ZNF804A: variants seen among roughly 807,000 people sequenced by gnomAD.
ZNF804A encodes zinc finger protein 804A.
In ZNF804A, 2 loss-of-function variants were observed where a neutral mutation model predicts 16.5. That is an observed-to-expected ratio of 0.12 (90% CI 0.05 to 0.38). ZNF804A has a LOEUF of 0.38. Ranked by LOEUF, ZNF804A falls within the 10% of genes least tolerant of loss-of-function variation. The probability of loss-of-function intolerance (pLI) is 0.99; values close to 1 mark genes in which losing one functional copy is unlikely to be tolerated. For synonymous variants in ZNF804A, 534 were observed against 489.6 expected, an observed-to-expected ratio of 1.09 and a Z score of -1.20; for missense variants, 1,473 against 1,390.7, an observed-to-expected ratio of 1.06 and a Z score of -0.94.
At chr2:184,636,423 C>CTGTGTGTGTGTGTG (rs746003358) in intron 1 of ZNF804A, among the ~76,000 whole-genome samples, 3 of 99,148 alleles carry the variant, frequency 3.0e-5, no homozygotes, top group African/African-American at 1.3e-4. Context: ...GGCTCTAGGG[C>CTGTGTGTGTGTGTG]TGTGTGTGTG....
intron 1 of ZNF804A, among the ~76,000 whole-genome samples, chr2:184,615,796 A>C (rs1691309924): frequency 6.6e-6 from 1 of 152,166 alleles, no homozygotes; most frequent in Non-Finnish European, 1.5e-5. Context: ...GTAGGATGGC[A>C]CAAAGACACA....
At chr2:184,765,563 G>A (rs1403686294) in intron 1 of ZNF804A, among the ~76,000 whole-genome samples, 4 of 140,564 alleles carry the variant, frequency 2.8e-5, no homozygotes, top group Admixed American at 2.3e-4. Flanking sequence ...CCCCAGTCAC[G>A]TAACCCCTGC....
chr2:184,886,358 T>C (rs1236352045), intron 2 of ZNF804A, among the ~76,000 whole-genome samples: 1 of 152,190 alleles, frequency 6.6e-6, no homozygotes, highest in African/African-American at 2.4e-5. Flanking sequence ...CCCAGCTGCT[T>C]TCACAGGCTG....
chr2:184,850,978 G>A (rs565161303), intron 1 of ZNF804A, among the ~76,000 whole-genome samples: 47 of 151,498 alleles, frequency 3.1e-4, no homozygotes, highest in African/African-American at 1.1e-3. Flanking sequence ...AACCATGAGC[G>A]GTTATTTTAA....
chr2:184,731,216 A>G (rs2105747493), intron 1 of ZNF804A, among the ~76,000 whole-genome samples: 1 of 122,058 alleles, frequency 8.2e-6, no homozygotes, highest in Non-Finnish European at 1.6e-5. Flanking sequence ...GTGCCACTGC[A>G]CTCCAGCCTG....
Position 184,937,628 on chromosome 2 carries a change from T to C in ZNF804A, c.2232T>C (p.Asp744=), listed in dbSNP as rs1685814702. ...QDHRSLVLQN[D]MKHMSQNQAV... Reference sequence around the variant, plus strand: ...ACAGAAGCTTAGTTCTTCAAAATGATATGAAACACATGAGTCAGAATCAGG... The same window carrying C: ...ACAGAAGCTTAGTTCTTCAAAATGACATGAAACACATGAGTCAGAATCAGG... Residue 744 remains aspartate, a synonymous_variant, in exon 4 of 4, where the codon GAT becomes GAC. Transcript: ENST00000302277. 6.2e-7 allele frequency: 1 copy of C among 1,613,770 alleles called. No homozygotes were observed. The highest frequency in any genetic ancestry group is 8.5e-7 in the Non-Finnish European group (1 of 1,179,962).
chr2:184,677,492 T>G (rs1476906659), intron 1 of ZNF804A, among the ~76,000 whole-genome samples: 1 of 151,920 alleles, frequency 6.6e-6, no homozygotes, highest in Non-Finnish European at 1.5e-5. Context: ...TTATCTACAA[T>G]GTCAATAATA....
At chr2:184,834,909 A>G (rs1335270614) in intron 1 of ZNF804A, among the ~76,000 whole-genome samples, 1 of 152,140 alleles carries the variant, frequency 6.6e-6, no homozygotes, top group Non-Finnish European at 1.5e-5. Flanking sequence ...AAATTGAATT[A>G]TGCATATTTT....
At chr2:184,887,133 C>T (rs1558992977) in intron 2 of ZNF804A, among the ~76,000 whole-genome samples, 1 of 152,146 alleles carries the variant, frequency 6.6e-6, no homozygotes, top group Non-Finnish European at 1.5e-5. Context: ...TTTCTTCTGC[C>T]ACATACTCTA....
At chr2:184,673,201 C>A (rs1229590265) in intron 1 of ZNF804A, among the ~76,000 whole-genome samples, 1 of 152,018 alleles carries the variant, frequency 6.6e-6, no homozygotes, top group African/African-American at 2.4e-5. Context: ...CAGAGGCAAC[C>A]TAATTATCAT....
Position 184,806,606 on chromosome 2 carries a change from A to G in ZNF804A, c.112-59763A>G, listed in dbSNP as rs374913148. 7.2e-5 allele frequency among the ~76,000 whole-genome samples: 11 copies of G among 151,982 alleles called. 2 individuals carry two copies. The stretch of plus-strand genomic sequence containing the variant: ...GTAATAACTGTAGATATTGTTTAAT[A>G]TACAGTCACATTGTTTAATATACAG... On this transcript the variant is annotated intron_variant, in intron 1 of 3. Transcript: ENST00000302277.
At chr2:184,746,741 T>C (rs1433312855) in intron 1 of ZNF804A, among the ~76,000 whole-genome samples, 1 of 151,448 alleles carries the variant, frequency 6.6e-6, no homozygotes, top group African/African-American at 2.4e-5. Context: ...TTCTACTCTT[T>C]ATCTCCATGA....
intron 2 of ZNF804A, among the ~76,000 whole-genome samples, chr2:184,869,359 C>T (rs1695935955): frequency 6.6e-6 from 1 of 151,894 alleles, no homozygotes. Context: ...GTGCATACTA[C>T]TGATGCATTC....
intron 1 of ZNF804A, among the ~76,000 whole-genome samples, chr2:184,846,979 G>T (rs911242410): frequency 6.6e-6 from 1 of 151,984 alleles, no homozygotes; most frequent in Non-Finnish European, 1.5e-5. Flanking sequence ...CCATGCTGTT[G>T]GTCCAATAGT....
At chr2:184,919,705 A>G (rs1685500971) in intron 2 of ZNF804A, among the ~76,000 whole-genome samples, 1 of 152,214 alleles carries the variant, frequency 6.6e-6, no homozygotes, top group Non-Finnish European at 1.5e-5. Flanking sequence ...GAACTGGTAT[A>G]TAATTTTACA....
chr2:184,708,060 A>G (rs1693060518), intron 1 of ZNF804A, among the ~76,000 whole-genome samples: 1 of 151,640 alleles, frequency 6.6e-6, no homozygotes, highest in African/African-American at 2.4e-5. Context: ...ATTTTTTCAT[A>G]TGTTTGCTGG....
intron 1 of ZNF804A, among the ~76,000 whole-genome samples, chr2:184,813,504 A>T (rs1160302145): frequency 1.3e-5 from 2 of 152,098 alleles, no homozygotes; most frequent in Non-Finnish European, 2.9e-5. Flanking sequence ...GATTCTGGTC[A>T]CCTTGTAGAA....
intron 2 of ZNF804A, among the ~76,000 whole-genome samples, chr2:184,913,543 T>C (rs1353440524): frequency 3.9e-5 from 6 of 152,160 alleles, no homozygotes; most frequent in Non-Finnish European, 8.8e-5. Flanking sequence ...ACGGTATTCT[T>C]GGTTGACAGT....
At chr2:184,823,289 T>A (rs901450155) in intron 1 of ZNF804A, among the ~76,000 whole-genome samples, 47 of 152,040 alleles carry the variant, frequency 3.1e-4, no homozygotes, top group African/African-American at 1.1e-3. Context: ...TTATGAGAGC[T>A]CCACCCACAT....
Sources: allele counts gnomAD v4.1 joint callset (sites outside exome capture counted in the v4.1 genomes callset), GRCh38; gene constraint gnomAD v4.1.1; transcripts MANE v1.5; gene names NCBI Gene and HGNC (gene_info 2026-07-23, HGNC 2026-07-21).